Variants in FLT4 observed in about 807,000 individuals in gnomAD.
FLT4 encodes the protein fms related receptor tyrosine kinase 4.
A neutral mutation model predicts 163.2 loss-of-function variants in FLT4; 30 were observed. The ratio of observed to expected loss-of-function variants is 0.18; its 90% CI spans 0.14 to 0.25. FLT4 has a LOEUF of 0.25. Ranked by LOEUF, FLT4 falls within the 10% of genes least tolerant of loss-of-function variation. The pLI, the probability that FLT4 is intolerant of heterozygous loss-of-function variation, is 1.00. For synonymous variants in FLT4, 884 were observed against 789.5 expected (o/e 1.12, Z -2.01); for missense variants, 1,510 against 1,863.8 (o/e 0.81, Z 3.50).
At chr5:180,624,442 G>T (rs759386556) in intron 10 of FLT4, among the ~76,000 whole-genome samples, 3 of 152,072 alleles carry the variant, frequency 2.0e-5, no homozygotes, top group Non-Finnish European at 4.4e-5. Flanking sequence ...TTGGTCAGCT[G>T]GTCTCGAACT....
At chr5:180,618,725 C>G in intron 21 of FLT4, 45 bp downstream of exon 21, 1 of 1,561,554 alleles carries the variant, frequency 6.4e-7, no homozygotes, top group Admixed American at 1.9e-5. Context: ...GGGATATAAC[C>G]GGGCCCGTCA....
At chr5:180,608,360 T>C in intron 29 of FLT4, 1 of 700,372 alleles carries the variant, frequency 1.4e-6, no homozygotes, top group Non-Finnish European at 2.6e-6. Context: ...CTCACCCTCC[T>C]GACCCTGCCC....
rs1420395531 is a variant in FLT4, at chr5:180,601,610, C to G, written c.*1582G>C. ...TCTAGAAGGGCATAGTAGTTTTTTTCCCGGTACATGCGTGGGTGGGTAGTG... is the reference window on the plus strand; with the variant it reads ...TCTAGAAGGGCATAGTAGTTTTTTTGCCGGTACATGCGTGGGTGGGTAGTG... On this transcript the variant is annotated 3_prime_UTR_variant, in exon 30 of 30. Coordinates refer to ENST00000261937, the MANE Select transcript of FLT4 (RefSeq NM_182925.5). 1.7e-5 allele frequency: 4 copies of G among 232,976 alleles called. No homozygotes were observed. Among genetic ancestry groups the G allele is most frequent in the Non-Finnish European group, 3.4e-5 (4 of 118,026 alleles). 14.4% of individuals were successfully genotyped at this position (232,976 alleles called of 1,614,324 possible).
At position 180,621,756 on chromosome 5, in the gene FLT4, G is replaced by A. The variant is rs1297327643; in HGVS notation, c.1806C>T (p.His602=). 1 of 1,613,190 alleles carries A rather than the reference G, an allele frequency of 6.2e-7. No individual in the cohort carries two copies. Among genetic ancestry groups the A allele is most frequent in the Non-Finnish European group, 8.5e-7 (1 of 1,179,982 alleles). ...RLNLSTLHDA[H]GNPLLLDCKN... is the part of the protein sequence containing the mutation. ...TGCAGTCGAGCAGAAGCGGGTTCCCGTGCGCATCGTGCAGCGTGGACAGGT... is the reference window on the plus strand; with the variant it reads ...TGCAGTCGAGCAGAAGCGGGTTCCCATGCGCATCGTGCAGCGTGGACAGGT... The change falls in exon 13 of 30, where the codon CAC becomes CAT. Residue 602 remains histidine, a synonymous_variant. Coordinates refer to ENST00000261937, the MANE Select transcript of FLT4 (RefSeq NM_182925.5).
intron 18 of FLT4, 63 bp downstream of exon 18, chr5:180,619,602 G>C: frequency 1.5e-6 from 2 of 1,333,642 alleles, no homozygotes; most frequent in Non-Finnish European, 2.2e-6. Flanking sequence ...CCGTCCCACC[G>C]GCCCACCCCG....
At chr5:180,641,484 T>G (rs1765095199) in intron 1 of FLT4, among the ~76,000 whole-genome samples, 1 of 152,176 alleles carries the variant, frequency 6.6e-6, no homozygotes, top group Admixed American at 6.5e-5. Flanking sequence ...TCTGGGCAGC[T>G]GAGCCCAGGA....
intron 21 of FLT4, among the ~76,000 whole-genome samples, chr5:180,618,289 C>T (rs1397003413): frequency 1.9e-5 from 2 of 105,322 alleles, no homozygotes; most frequent in South Asian, 9.1e-4. Flanking sequence ...CTCCAGAGCA[C>T]CCTCTCCTGC....
intron 1 of FLT4, among the ~76,000 whole-genome samples, chr5:180,645,711 T>C (rs58122296): frequency 0.041 from 6,182 of 152,178 alleles, 174 homozygotes; most frequent in South Asian, 0.12. Context: ...GGCGCCCTGC[T>C]CCTCCTCCGG....
At position 180,603,152 on chromosome 5, in the gene FLT4, G is replaced by A. The variant is rs1581596340; in HGVS notation, c.*40C>T. ...TCCAGCCCTCTGCCCGCCCTGCCGG[G>A]CCTGAACCCCCAAGTGCTGGGGGTC... On this transcript the variant is annotated 3_prime_UTR_variant, in exon 30 of 30. Transcript: ENST00000261937. 1.2e-6 allele frequency: 2 copies of A among 1,604,102 alleles called. No individual in the cohort carries two copies. Among genetic ancestry groups the A allele is most frequent in the East Asian group, 2.2e-5 (1 of 44,834 alleles).
rs991854616 is a variant in FLT4 at position 180,601,943 on chromosome 5, T to G, written c.*1249A>C. 1 of 233,544 alleles carries G rather than the reference T, an allele frequency of 4.3e-6. No individual in the cohort carries two copies. The highest frequency in any genetic ancestry group is 2.2e-5 in the African/African-American group (1 of 45,332). The allele number at this position is 233,544 out of a possible 1,614,324, so 14.5% of individuals were successfully genotyped here. The stretch of plus-strand genomic sequence containing the variant: ...TCAGGGTGGTGGTCAGTCTCCGTGG[T>G]CCTAACGTGGGGATGTGGCTCTTTC... On this transcript the variant is annotated 3_prime_UTR_variant, in exon 30 of 30. Coordinates refer to ENST00000261937, the MANE Select transcript of FLT4 (RefSeq NM_182925.5).
rs572894789 is a variant in FLT4 at position 180,636,459 on chromosome 5, G to A, written c.59-4681C>T. Among the ~76,000 whole-genome samples, 32 of 151,938 alleles carry A rather than the reference G, an allele frequency of 2.1e-4. No individual in the cohort carries two copies. The highest frequency in any genetic ancestry group is 1.6e-3 in the Admixed American group (24 of 15,268). The stretch of plus-strand genomic sequence containing the variant: ...CCCTCTGAGGGTCCTGCTCTTTGGC[G>A]GCACCGCCCTCTTCCCCATTAAAGC... On this transcript the variant is annotated intron_variant, in intron 1 of 29. Transcript: ENST00000261937. The surrounding 1 kb of genome is among the most constrained non-coding windows in gnomAD (Gnocchi z 4.3).
chr5:180,613,300 C>T (rs941961479), intron 24 of FLT4, 190 bp from the exon 25 acceptor site: 2 of 548,910 alleles, frequency 3.6e-6, no homozygotes, highest in African/African-American at 3.8e-5. Context: ...GCTGCCCTCC[C>T]CAGCTCTAGT....
At chr5:180,604,527 A>G (rs942317416) in intron 29 of FLT4, among the ~76,000 whole-genome samples, 1 of 152,036 alleles carries the variant, frequency 6.6e-6, no homozygotes, top group African/African-American at 2.4e-5. Flanking sequence ...AAGTTACACT[A>G]TGTCATTCTC....
At position 180,649,513 on chromosome 5, in the gene FLT4, C is replaced by T; in HGVS notation, c.33G>A (p.Leu11=). 6.9e-7 allele frequency: 1 copy of T among 1,453,574 alleles called. No individual in the cohort carries two copies. Among genetic ancestry groups the T allele is most frequent in the South Asian group, 1.3e-5 (1 of 77,220 alleles). The allele number at this position is 1,453,574 out of a possible 1,614,324, so 90.0% of individuals were successfully genotyped here. ...CGTCCAGGAGTCCCAGGCAGAGCCACAGTCGCAGGCACAGCGCGGCGCCCC... is the reference window on the plus strand; with the variant it reads ...CGTCCAGGAGTCCCAGGCAGAGCCATAGTCGCAGGCACAGCGCGGCGCCCC... MQRGAALCLR[L]WLCLGLLDGL... Residue 11 remains leucine, a synonymous_variant, in exon 1 of 30, where the codon CTG becomes CTA. Coordinates refer to ENST00000261937, the MANE Select transcript of FLT4 (RefSeq NM_182925.5).
rs772715202 is a variant in FLT4 at position 180,626,043 on chromosome 5, C to G, written c.1259-12G>C. On this transcript the variant is annotated splice_polypyrimidine_tract_variant and intron_variant, in intron 9 of 29. Coordinates refer to ENST00000261937, the MANE Select transcript of FLT4 (RefSeq NM_182925.5). The stretch of plus-strand genomic sequence containing the variant: ...TATCTGGGGGGGCACTGTGGGCACA[C>G]AGATGGCCGGTCAGCTGGCCTCCAA... The G allele has an allele frequency of 3.1e-6, 5 of 1,612,752 alleles. No individual in the cohort carries two copies. Among genetic ancestry groups the G allele is most frequent in the Admixed American group, 1.7e-5 (1 of 60,024 alleles).
At position 180,608,477 on chromosome 5, in the gene FLT4, ATC is replaced by A. The variant is rs373440372; in HGVS notation, c.3893+489_3893+490del. Among the ~76,000 whole-genome samples, 165 of 152,208 alleles carry A rather than the reference ATC, an allele frequency of 1.1e-3. 1 individual carries two copies. Among genetic ancestry groups the A allele is most frequent in the African/African-American group, 3.9e-3 (160 of 41,526 alleles). On this transcript the variant is annotated intron_variant, in intron 29 of 29. Coordinates refer to ENST00000261937, the MANE Select transcript of FLT4 (RefSeq NM_182925.5). ...CCCCAGGCCCAGCTGTTTTCTCTTT[ATC>A]TCTGTCTTGTGTCTTTCTTTCTTAC...
chr5:180,648,669 G>A (rs1302535203), intron 1 of FLT4, among the ~76,000 whole-genome samples: 1 of 151,930 alleles, frequency 6.6e-6, no homozygotes, highest in Non-Finnish European at 1.5e-5. Context: ...ATCCCCCACA[G>A]TCCCTCTTTC....
chr5:180,626,241 G>A lies in FLT4; in HGVS notation c.1128C>T (p.Ser376=), dbSNP rs563763858. The A allele has an allele frequency of 2.3e-5, 37 of 1,612,660 alleles. No individual in the cohort carries two copies. The highest frequency in any genetic ancestry group is 2.0e-4 in the South Asian group (18 of 91,088). ...FQWYKDGKAL[S]GRHSPHALVL... is the part of the protein sequence containing the mutation. Reference sequence around the variant, plus strand: ...CCAGGGCATGTGGACTGTGGCGCCCGGACAGTGCCTTTCCATCCTTGTACC... The same window carrying A: ...CCAGGGCATGTGGACTGTGGCGCCCAGACAGTGCCTTTCCATCCTTGTACC... The change falls in exon 9 of 30, where the codon TCC becomes TCT. Residue 376 remains serine (S), a synonymous_variant. Coordinates refer to ENST00000261937, the MANE Select transcript of FLT4 (RefSeq NM_182925.5).
In FLT4 at chr5:180,620,079, G is replaced by C. The variant is rs1581644802; in HGVS notation, c.2542+94C>G. The C allele has an allele frequency of 5.4e-6, 8 of 1,476,692 alleles. No homozygotes were observed. The East Asian group carries it at 6.8e-5, about 13-fold the overall frequency. 91.5% of individuals were successfully genotyped at this position (1,476,692 alleles called of 1,614,324 possible). The stretch of plus-strand genomic sequence containing the variant: ...GTCAGGCCAGGCGGAACTTCCTGGT[G>C]CAAGTTTTGAAAATGGAGGGATTCA... On this transcript the variant is annotated intron_variant, in intron 17 of 29. Transcript: ENST00000261937. This position sits in a 1 kb window ranked among gnomAD's most constrained non-coding sequence, Gnocchi z 4.4.
Sources: gnomAD v4.1 joint callset for allele counts (sites outside exome capture counted in the v4.1 genomes callset) on GRCh38, gnomAD v4.1.1 for gene constraint, Gnocchi (gnomAD v3.1) non-coding constraint, MANE v1.5 for transcripts, NCBI Gene and HGNC (gene_info 2026-07-23, HGNC 2026-07-21) for gene names.